The following SGCZ variants were observed in gnomAD, a reference collection of about 807,000 sequenced individuals.
The protein encoded by SGCZ is sarcoglycan zeta, also known as zeta-sarcoglycan.
Under a neutral mutation model 41.3 loss-of-function variants are expected in SGCZ, and 40 were observed. The observed-to-expected ratio is 0.97, with a 90% confidence interval of 0.75 to 1.26. The LOEUF is 1.26. Ranked by LOEUF, SGCZ falls within the 50% of genes most tolerant of loss-of-function variation. The probability of loss-of-function intolerance (pLI) is 0.00; values close to 1 mark genes in which losing one functional copy is unlikely to be tolerated. For synonymous variants in SGCZ, 206 were observed against 137.5 expected (o/e 1.50, Z -3.49); for missense variants, 552 against 369.8 (o/e 1.49, Z -4.04).
chr8:14,534,003 G>C (rs1288360268), intron 2 of SGCZ, among the ~76,000 whole-genome samples: 2 of 151,794 alleles, frequency 1.3e-5, no homozygotes, highest in Admixed American at 6.6e-5. Flanking sequence ...ATTCTACCAG[G>C]GGTATGTGCT....
At chr8:14,203,058 A>G (rs1045397110) in intron 4 of SGCZ, among the ~76,000 whole-genome samples, 7 of 152,138 alleles carry the variant, frequency 4.6e-5, no homozygotes, top group African/African-American at 1.7e-4. Context: ...CATCCATGTA[A>G]GATGTGACTT....
intron 1 of SGCZ, among the ~76,000 whole-genome samples, chr8:15,208,623 G>A (rs1319147395): frequency 6.6e-6 from 1 of 152,032 alleles, no homozygotes; most frequent in Non-Finnish European, 1.5e-5. Context: ...CTGTAAGGTA[G>A]GAATTATTAG....
At chr8:14,349,394 GA>G (rs1467429626) in intron 2 of SGCZ, among the ~76,000 whole-genome samples, 2 of 152,054 alleles carry the variant, frequency 1.3e-5, no homozygotes, top group African/African-American at 4.8e-5. Context: ...TATATTTGTG[GA>G]TTGGTAAAAA....
At chr8:14,332,634 C>G (rs1268547340) in intron 2 of SGCZ, 1 of 151,718 alleles carries the variant, frequency 6.6e-6, no homozygotes, top group Non-Finnish European at 1.5e-5. Flanking sequence ...CTCTTTTCCC[C>G]TTCTCACTAC....
At chr8:14,458,081 T>C (rs569284308) in intron 2 of SGCZ, among the ~76,000 whole-genome samples, 1 of 152,310 alleles carries the variant, frequency 6.6e-6, no homozygotes, top group Admixed American at 6.5e-5. Context: ...CAGGCATTTC[T>C]TTCTAGCAAT....
intron 1 of SGCZ, among the ~76,000 whole-genome samples, chr8:15,155,459 G>C (rs1420443208): frequency 6.6e-6 from 1 of 151,988 alleles, no homozygotes; most frequent in Non-Finnish European, 1.5e-5. Context: ...CTCCTATCTT[G>C]ACCTAGCAAC....
intron 1 of SGCZ, among the ~76,000 whole-genome samples, chr8:14,651,459 A>G (rs184160857): frequency 2.9e-3 from 446 of 152,228 alleles, no homozygotes; most frequent in Non-Finnish European, 4.8e-3. Context: ...AAACTTCCCC[A>G]AACAATAGAC....
In SGCZ at chr8:14,088,008, A is replaced by C. The variant is rs1232808335; in HGVS notation, c.*2435T>G. ...TTGAATTATGTCTATACTTCTCAGA[A>C]TGCATTTGAATTAAAAATGTGTCAG... On this transcript the variant is annotated 3_prime_UTR_variant, in exon 8 of 8. Transcript: ENST00000382080. Among the ~76,000 whole-genome samples, 1 of 151,848 alleles carries C rather than the reference A, an allele frequency of 6.6e-6. No homozygotes were observed. Among genetic ancestry groups the C allele is most frequent in the Non-Finnish European group, 1.5e-5 (1 of 67,848 alleles).
At chr8:14,878,978 A>C (rs1804474855) in intron 1 of SGCZ, 1 of 152,108 alleles carries the variant, frequency 6.6e-6, no homozygotes, top group Non-Finnish European at 1.5e-5. Flanking sequence ...ATTTTGAATT[A>C]CTCATACTTG....
In SGCZ at chr8:15,204,224, G is replaced by A. The variant is rs77796732; in HGVS notation, c.39+33361C>T. The stretch of plus-strand genomic sequence containing the variant: ...AAGATTGTTTCATAATAATTATATA[G>A]AGTTGGAGCCACCAAGTACAGTACA... On this transcript the variant is annotated intron_variant, in intron 1 of 7. Coordinates refer to ENST00000382080, the MANE Select transcript of SGCZ (RefSeq NM_139167.4). Among the ~76,000 whole-genome samples, 384 of 152,230 alleles carry A rather than the reference G, an allele frequency of 2.5e-3. 1 individual carries two copies. The highest frequency in any genetic ancestry group is 8.6e-3 in the African/African-American group (358 of 41,540).
chr8:14,594,902 T>C (rs1039883861), intron 1 of SGCZ, among the ~76,000 whole-genome samples: 2 of 151,976 alleles, frequency 1.3e-5, no homozygotes, highest in Non-Finnish European at 1.5e-5. Context: ...GACACTGTTA[T>C]ATTGCTGTAA....
chr8:14,087,565 T>C lies in SGCZ; in HGVS notation c.*2878A>G, dbSNP rs1198978232. Among the ~76,000 whole-genome samples the C allele has an allele frequency of 6.6e-6, 1 of 151,662 alleles. No homozygotes were observed. The highest frequency in any genetic ancestry group is 1.5e-5 in the Non-Finnish European group (1 of 67,740). Reference sequence around the variant, plus strand: ...TTAGTCGCATCCATGTAGTACACTATAAAGGACTCATTTTTCTCAGTGTCA... The same window carrying C: ...TTAGTCGCATCCATGTAGTACACTACAAAGGACTCATTTTTCTCAGTGTCA... On this transcript the variant is annotated 3_prime_UTR_variant, in exon 8 of 8. Transcript: ENST00000382080.
intron 5 of SGCZ, among the ~76,000 whole-genome samples, chr8:14,153,145 A>T (rs2116956455): frequency 6.6e-6 from 1 of 152,296 alleles, no homozygotes; most frequent in Admixed American, 6.5e-5. Flanking sequence ...ACAGTTTTAT[A>T]AGATGTTACC....
intron 4 of SGCZ, among the ~76,000 whole-genome samples, chr8:14,173,528 T>A (rs768631619): frequency 1.3e-4 from 20 of 152,094 alleles, no homozygotes; most frequent in Non-Finnish European, 2.5e-4. Flanking sequence ...GAAGAAAGAA[T>A]TAGTGAACTT....
chr8:14,289,668 A>T (rs1193816365), intron 3 of SGCZ, among the ~76,000 whole-genome samples: 2 of 152,054 alleles, frequency 1.3e-5, no homozygotes, highest in Admixed American at 6.6e-5. Context: ...ACACATTTAT[A>T]GCCAACTGAT....
chr8:15,128,578 C>T (rs908477317), intron 1 of SGCZ, among the ~76,000 whole-genome samples: 3 of 152,206 alleles, frequency 2.0e-5, no homozygotes, highest in Non-Finnish European at 4.4e-5. Flanking sequence ...CACTCTCTCA[C>T]TGCTGGTGAC....
Position 14,087,290 on chromosome 8 carries a change from T to A in SGCZ, c.*3153A>T, listed in dbSNP as rs1801548177. 7.9e-6 allele frequency among the ~76,000 whole-genome samples: 1 copy of A among 127,192 alleles called. No individual in the cohort carries two copies. The highest frequency in any genetic ancestry group is 2.7e-4 in the South Asian group (1 of 3,748). The allele number at this position is 127,192 out of a possible 152,430, so 83.4% of individuals were successfully genotyped here. On this transcript the variant is annotated 3_prime_UTR_variant, in exon 8 of 8. Transcript: ENST00000382080. The stretch of plus-strand genomic sequence containing the variant: ...AAGGGAAGTAGGAAATTTGGAAGTT[T>A]TTGTTGTTCTTGCTGTTTTTTTTTG...
chr8:14,660,697 G>A (rs1807720024), intron 1 of SGCZ, among the ~76,000 whole-genome samples: 1 of 151,940 alleles, frequency 6.6e-6, no homozygotes, highest in Admixed American at 6.6e-5. Flanking sequence ...AGAGACCAGT[G>A]AAATAATATT....
At chr8:14,354,993 T>C (rs964145898) in intron 2 of SGCZ, among the ~76,000 whole-genome samples, 14 of 151,998 alleles carry the variant, frequency 9.2e-5, no homozygotes, top group Non-Finnish European at 1.5e-4. Flanking sequence ...TGCTGAATAT[T>C]TTCAAAGATT....
Sources: gnomAD v4.1 joint callset for allele counts (sites outside exome capture counted in the v4.1 genomes callset) on GRCh38, gnomAD v4.1.1 for gene constraint, MANE v1.5 for transcripts, NCBI Gene and HGNC (gene_info 2026-07-23, HGNC 2026-07-21) for gene names.